The following PPARA variants were observed in gnomAD, a reference collection of about 807,000 sequenced individuals.
The protein encoded by PPARA is peroxisome proliferator-activated receptor alpha.
A neutral mutation model predicts 42.2 loss-of-function variants in PPARA; 22 were observed. The ratio of observed to expected loss-of-function variants is 0.52; its 90% confidence interval spans 0.37 to 0.74. PPARA has a LOEUF of 0.74. Ranked by LOEUF, PPARA falls within the 30% of genes least tolerant of loss-of-function variation. The pLI, the probability that PPARA is intolerant of heterozygous loss-of-function variation, is 0.00. For missense variants in PPARA, 465 were observed against 608.2 expected, an observed-to-expected ratio of 0.76 and a Z score of 2.48; for synonymous variants, 242 against 239.3, an observed-to-expected ratio of 1.01 and a Z score of -0.10.
chr22:46,169,996 T>C lies in PPARA; in HGVS notation c.-126-6757T>C, dbSNP rs114016983. Among the ~76,000 whole-genome samples, 349 of 152,180 alleles carry C rather than the reference T, an allele frequency of 2.3e-3. 7 individuals carry two copies. The highest frequency in any genetic ancestry group is 3.4e-3 in the Non-Finnish European group (233 of 67,970). On this transcript the variant is annotated intron_variant, in intron 2 of 8. Coordinates refer to ENST00000407236, the MANE Select transcript of PPARA (RefSeq NM_005036.6). ...CTGTTCAATGCACTCCCTCCCAGGC[T>C]GTCATGGGATGCACTTCAGGAACTT...
chr22:46,198,057 C>T lies in PPARA; in HGVS notation c.-42-285C>T, dbSNP rs558798701. On this transcript the variant is annotated intron_variant, in intron 3 of 8. Transcript: ENST00000407236. ...CCACCCTGGCTAACACAGTGAAACC[C>T]GTCTCTACTAAAAAAAAAAAAATAC... is the stretch of plus-strand genomic sequence containing the variant. Among the ~76,000 whole-genome samples, 40 of 148,902 alleles carry T rather than the reference C, an allele frequency of 2.7e-4. 1 individual carries two copies. In the South Asian group the frequency reaches 8.3e-3, roughly 31 times the overall value.
rs545172106 is a variant in PPARA, at chr22:46,204,147, C to A, written c.208+5556C>A. ...TTCTAGGCTGGCTTCTTTCACTCTG[C>A]AGAATGGCTGTGAGACTCATCTGCA... On this transcript the variant is annotated intron_variant, in intron 4 of 8. Transcript: ENST00000407236. This position sits in a 1 kb window ranked among gnomAD's most constrained non-coding sequence, Gnocchi z 5.2. Among the ~76,000 whole-genome samples the A allele has an allele frequency of 2.2e-4, 34 of 152,368 alleles. No individual in the cohort carries two copies. Among genetic ancestry groups the A allele is most frequent in the Non-Finnish European group, 4.6e-4 (31 of 68,036 alleles).
Position 46,196,863 on chromosome 22 carries a change from C to T in PPARA, c.-42-1479C>T, listed in dbSNP as rs935519108. 1.3e-5 allele frequency among the ~76,000 whole-genome samples: 2 copies of T among 152,090 alleles called. No individual in the cohort carries two copies. The highest frequency in any genetic ancestry group is 3.2e-3 in the Middle Eastern group (1 of 316). On this transcript the variant is annotated intron_variant, in intron 3 of 8. Transcript: ENST00000407236. The surrounding 1 kb of genome is among the most constrained non-coding windows in gnomAD (Gnocchi z 5.6). ...TCAACCTCCTGAGTAGCTGGGATTA[C>T]AGGTGCCTGCCACCATGCCCAGCTA...
rs908081067 is a variant in PPARA at position 46,183,680 on chromosome 22, T to G, written c.-43+6844T>G. ...TCACTTGAGCCTGGGAGGTCGATAT[T>G]GCAGTGAGCTGTAATTGCACCATGC... On this transcript the variant is annotated intron_variant, in intron 3 of 8. Coordinates refer to ENST00000407236, the MANE Select transcript of PPARA (RefSeq NM_005036.6). This position sits in a 1 kb window ranked among gnomAD's most constrained non-coding sequence, Gnocchi z 5.5. Among the ~76,000 whole-genome samples the G allele has an allele frequency of 6.6e-6, 1 of 152,148 alleles. No homozygotes were observed.
chr22:46,214,879 G>C (rs1934320571), intron 4 of PPARA, among the ~76,000 whole-genome samples: 2 of 149,616 alleles, frequency 1.3e-5, no homozygotes, highest in Non-Finnish European at 3.0e-5. Flanking sequence ...AGATATGCGG[G>C]GCGGAGATGT....
chr22:46,185,894 C>CAAAAAAAAAAA lies in PPARA; in HGVS notation c.-43+9058_-43+9059insAAAAAAAAAAA, dbSNP rs1279499029. ...TGGGTGACAAAGTGAGACTCCGTCT[C>CAAAAAAAAAAA]CAAAAAAAAAAAAAAAAAAAAAATA... On this transcript the variant is annotated intron_variant, in intron 3 of 8. Transcript: ENST00000407236. Among the ~76,000 whole-genome samples the CAAAAAAAAAAA allele has an allele frequency of 4.4e-3, 91 of 20,796 alleles. 15 individuals carry two copies. The highest frequency in any genetic ancestry group is 0.012 in the African/African-American group (45 of 3,672). The allele number at this position is 20,796 out of a possible 152,430, so 13.6% of individuals were successfully genotyped here. A position where few individuals can be genotyped will look rare whatever the true frequency, so the allele number is the denominator to read the frequency against.
chr22:46,172,495 A>G (rs1299162295), intron 2 of PPARA, among the ~76,000 whole-genome samples: 1 of 151,986 alleles, frequency 6.6e-6, no homozygotes, highest in African/African-American at 2.4e-5. Context: ...GCGTGTGACT[A>G]TAGTTCCAGC....
rs1028191091 is a variant in PPARA, at chr22:46,222,373, G to C, written c.711+2359G>C. Among the ~76,000 whole-genome samples the C allele has an allele frequency of 6.6e-6, 1 of 152,210 alleles. No individual in the cohort carries two copies. The highest frequency in any genetic ancestry group is 6.5e-5 in the Admixed American group (1 of 15,282). On this transcript the variant is annotated intron_variant, in intron 7 of 8. Coordinates refer to ENST00000407236, the MANE Select transcript of PPARA (RefSeq NM_005036.6). This position sits in a 1 kb window ranked among gnomAD's most constrained non-coding sequence, Gnocchi z 5.9. ...AAACAGGTTTAATTTGTATTAAATA[G>C]CTTGAAGCAATCCTTATTGGGAATT...
intron 4 of PPARA, among the ~76,000 whole-genome samples, chr22:46,213,400 TTTC>T (rs1934121679): frequency 1.3e-5 from 2 of 149,582 alleles, no homozygotes; most frequent in Non-Finnish European, 3.0e-5. Flanking sequence ...GCCCATTTTC[TTTC>T]TTTTTTTTTT....
intron 2 of PPARA, among the ~76,000 whole-genome samples, chr22:46,158,768 G>A (rs921819717): frequency 2.0e-5 from 3 of 152,198 alleles, no homozygotes. Flanking sequence ...TGAGTGGGCT[G>A]CTAACATGAG....
At chr22:46,210,871 C>T (rs542320404) in intron 4 of PPARA, among the ~76,000 whole-genome samples, 94 of 152,208 alleles carry the variant, frequency 6.2e-4, no homozygotes, top group Admixed American at 1.0e-3. Flanking sequence ...TTGATCCTTT[C>T]AGGTCCTGTT....
In PPARA at chr22:46,222,522, C is replaced by A. The variant is rs1935083658; in HGVS notation, c.711+2508C>A. Among the ~76,000 whole-genome samples, 1 of 152,146 alleles carries A rather than the reference C, an allele frequency of 6.6e-6. No individual in the cohort carries two copies. The highest frequency in any genetic ancestry group is 1.5e-5 in the Non-Finnish European group (1 of 68,030). On this transcript the variant is annotated intron_variant, in intron 7 of 8. Coordinates refer to ENST00000407236, the MANE Select transcript of PPARA (RefSeq NM_005036.6). The surrounding 1 kb of genome is among the most constrained non-coding windows in gnomAD (Gnocchi z 5.9). ...TCAGTGAATTCTCCAATTAAATAGG[C>A]CGAGACATTTTAGAAGTTTCCAGCA...
intron 2 of PPARA, among the ~76,000 whole-genome samples, chr22:46,174,190 A>G (rs62225952): frequency 0.011 from 1,433 of 126,828 alleles, 13 homozygotes; most frequent in Non-Finnish European, 0.016. Context: ...AGAAGGAAGA[A>G]AGAGAGAGAG....
rs1267703317 is a variant in PPARA at position 46,192,491 on chromosome 22, G to T, written c.-42-5851G>T. Among the ~76,000 whole-genome samples, 3 of 152,128 alleles carry T rather than the reference G, an allele frequency of 2.0e-5. No homozygotes were observed. Among genetic ancestry groups the T allele is most frequent in the Non-Finnish European group, 4.4e-5 (3 of 68,020 alleles). ...TTGATGTCTACTTCCTCTTGTATTT[G>T]TCTGTTTTTAAGTGTTCTACAATTT... is the stretch of plus-strand genomic sequence containing the variant. On this transcript the variant is annotated intron_variant, in intron 3 of 8. Transcript: ENST00000407236. This position sits in a 1 kb window ranked among gnomAD's most constrained non-coding sequence, Gnocchi z 4.3.
chr22:46,159,363 C>T (rs541872767), intron 2 of PPARA, among the ~76,000 whole-genome samples: 1 of 152,280 alleles, frequency 6.6e-6, no homozygotes, highest in South Asian at 2.1e-4. Flanking sequence ...TGTCCTTGGA[C>T]TTTACAATTT....
intron 4 of PPARA, among the ~76,000 whole-genome samples, chr22:46,206,404 C>T (rs4253717): frequency 8.5e-5 from 13 of 152,294 alleles, no homozygotes; most frequent in African/African-American, 2.2e-4. Context: ...CGTGAGCCAC[C>T]GCACCCAGCC....
chr22:46,198,066 T>TAA (rs572013724), intron 3 of PPARA, among the ~76,000 whole-genome samples: 18 of 137,424 alleles, frequency 1.3e-4, no homozygotes, highest in African/African-American at 4.6e-4. Context: ...CCGTCTCTAC[T>TAA]AAAAAAAAAA....
intron 4 of PPARA, among the ~76,000 whole-genome samples, chr22:46,202,205 C>T (rs1285839968): frequency 1.3e-5 from 2 of 152,144 alleles, no homozygotes; most frequent in Non-Finnish European, 2.9e-5. Context: ...TGTGCTCTCT[C>T]CTGACCCCTG....
chr22:46,159,948 C>G (rs1427167490), intron 2 of PPARA, among the ~76,000 whole-genome samples: 1 of 152,176 alleles, frequency 6.6e-6, no homozygotes, highest in Non-Finnish European at 1.5e-5. Flanking sequence ...TTTCCAGACC[C>G]AGGGAAGAAG....
Sources: gnomAD v4.1 joint callset for allele counts (sites outside exome capture counted in the v4.1 genomes callset) on GRCh38, gnomAD v4.1.1 for gene constraint, Gnocchi (gnomAD v3.1) non-coding constraint, MANE v1.5 for transcripts, NCBI Gene and HGNC (gene_info 2026-07-23, HGNC 2026-07-21) for gene names.